GSTCD: variants seen among roughly 807,000 people sequenced by gnomAD.
GSTCD encodes the protein glutathione S-transferase C-terminal domain-containing protein.
A neutral mutation model predicts 68.3 loss-of-function variants in GSTCD; 44 were observed. The observed-to-expected ratio is 0.64, with a 90% CI of 0.51 to 0.83. The LOEUF (loss-of-function observed/expected upper bound fraction) is 0.83, where lower values mean the gene tolerates loss of function less well. Ranked by LOEUF, GSTCD falls within the 40% of genes least tolerant of loss-of-function variation. The pLI is 0.00. For synonymous variants in GSTCD, 273 were observed against 255.2 expected (o/e 1.07, Z -0.67); for missense variants, 739 against 735.9 (o/e 1.00, Z -0.05).
intron 5 of GSTCD, among the ~76,000 whole-genome samples, chr4:105,768,868 AAAAAT>A (rs776184628): frequency 2.6e-5 from 4 of 151,664 alleles, no homozygotes; most frequent in Non-Finnish European, 5.9e-5. Flanking sequence ...GTATGGAACA[AAAAAT>A]AAAAGTATGA....
intron 5 of GSTCD, among the ~76,000 whole-genome samples, chr4:105,819,521 G>T (rs1723172207): frequency 1.3e-5 from 2 of 151,666 alleles, no homozygotes; most frequent in African/African-American, 4.8e-5. Flanking sequence ...ATATAAGTAG[G>T]TATCTTACTT....
At chr4:105,746,256 A>G (rs951488653) in intron 5 of GSTCD, 2 of 152,168 alleles carry the variant, frequency 1.3e-5, no homozygotes, top group Non-Finnish European at 2.9e-5. Flanking sequence ...GGAAGAGAAA[A>G]TATATTTACT....
At chr4:105,733,599 T>A (rs1339865635) in intron 5 of GSTCD, among the ~76,000 whole-genome samples, 1 of 152,218 alleles carries the variant, frequency 6.6e-6, no homozygotes, top group Non-Finnish European at 1.5e-5. Context: ...GTCAGATGGC[T>A]CTCCTGAATA....
chr4:105,724,906 T>A (rs183201943), intron 3 of GSTCD, among the ~76,000 whole-genome samples: 15 of 152,126 alleles, frequency 9.9e-5, no homozygotes, highest in Admixed American at 2.6e-4. Context: ...TAACTCTCTA[T>A]ATGCAGTGTG....
intron 5 of GSTCD, among the ~76,000 whole-genome samples, chr4:105,748,898 G>A (rs1300022680): frequency 6.6e-6 from 1 of 151,920 alleles, no homozygotes; most frequent in African/African-American, 2.4e-5. Flanking sequence ...TGTCCATTAT[G>A]ACATTAAACA....
chr4:105,743,275 G>T (rs969236045), intron 5 of GSTCD, among the ~76,000 whole-genome samples: 4 of 151,854 alleles, frequency 2.6e-5, no homozygotes, highest in African/African-American at 9.7e-5. Flanking sequence ...TTTGTATTTT[G>T]TACTTGTATT....
At chr4:105,710,789 A>G (rs1435785448) in intron 1 of GSTCD, 1 of 152,198 alleles carries the variant, frequency 6.6e-6, no homozygotes, top group Non-Finnish European at 1.5e-5. Flanking sequence ...GGTTTAGCTG[A>G]AGGCATTATG....
chr4:105,786,628 A>G (rs548295183), intron 5 of GSTCD, among the ~76,000 whole-genome samples: 155 of 152,024 alleles, frequency 1.0e-3, no homozygotes, highest in Non-Finnish European at 1.7e-3. Flanking sequence ...AATATAAAGC[A>G]ATATTATTTC....
chr4:105,796,679 G>T (rs1430582564), intron 5 of GSTCD, among the ~76,000 whole-genome samples: 1 of 151,984 alleles, frequency 6.6e-6, no homozygotes, highest in Non-Finnish European at 1.5e-5. Context: ...TTTGGCTTCT[G>T]GTATAAAGGT....
rs1259283934 is a variant in GSTCD, at chr4:105,740,809, T to C, written c.1240+11310T>C. ...AAGGACTGGCCTCTTTTTGTCCTAC[T>C]GTTAAAGTCTGGGTCCCTATTATTA... is the stretch of plus-strand genomic sequence containing the variant. On this transcript the variant is annotated intron_variant, in intron 5 of 11. Coordinates refer to ENST00000515279, the MANE Select transcript of GSTCD (RefSeq NM_001370181.1). Among the ~76,000 whole-genome samples the C allele has an allele frequency of 2.6e-5, 4 of 152,152 alleles. No homozygotes were observed. In the East Asian group the frequency reaches 7.7e-4, roughly 29 times the overall value.
At chr4:105,779,961 C>G (rs899204673) in intron 5 of GSTCD, among the ~76,000 whole-genome samples, 1 of 152,180 alleles carries the variant, frequency 6.6e-6, no homozygotes, top group Non-Finnish European at 1.5e-5. Flanking sequence ...TATGCCTGAT[C>G]ATTCTTTCTT....
intron 5 of GSTCD, among the ~76,000 whole-genome samples, chr4:105,776,382 G>A (rs1161862724): frequency 6.6e-6 from 1 of 152,028 alleles, no homozygotes. Flanking sequence ...TGCCACTGGG[G>A]TATGAAAAAA....
chr4:105,730,437 A>C (rs1733195643), intron 5 of GSTCD, among the ~76,000 whole-genome samples: 1 of 152,174 alleles, frequency 6.6e-6, no homozygotes, highest in South Asian at 2.1e-4. Context: ...TCACCATTCT[A>C]ACTGGTGTGA....
intron 5 of GSTCD, among the ~76,000 whole-genome samples, chr4:105,775,950 G>A (rs977333452): frequency 1.3e-5 from 2 of 152,188 alleles, no homozygotes; most frequent in Non-Finnish European, 2.9e-5. Flanking sequence ...GCACACAGCT[G>A]CCCCATCCCC....
At chr4:105,718,571 T>C (rs1368697201) in intron 2 of GSTCD, among the ~76,000 whole-genome samples, 2 of 152,194 alleles carry the variant, frequency 1.3e-5, no homozygotes, top group Non-Finnish European at 2.9e-5. Flanking sequence ...ACCTATTCCT[T>C]TACAGCAATG....
Position 105,847,506 on chromosome 4 carries a change from AC to A in GSTCD, c.*1930del, listed in dbSNP as rs1560861227. The A allele has an allele frequency of 6.6e-5, 10 of 152,192 alleles. No homozygotes were observed. Among genetic ancestry groups the A allele is most frequent in the Non-Finnish European group, 1.5e-4 (10 of 68,034 alleles). 9.4% of individuals were successfully genotyped at this position (152,192 alleles called of 1,614,324 possible). A position where few individuals can be genotyped will look rare whatever the true frequency, so the allele number is the denominator to read the frequency against. ...AGTATTCATTTGAGATGTTTTGACA[AC>A]TGTATATATACATGTAACCATCACT... On this transcript the variant is annotated 3_prime_UTR_variant, in exon 12 of 12. Coordinates refer to ENST00000515279, the MANE Select transcript of GSTCD (RefSeq NM_001370181.1).
chr4:105,759,496 A>G (rs1734320615), intron 5 of GSTCD, among the ~76,000 whole-genome samples: 1 of 152,118 alleles, frequency 6.6e-6, no homozygotes. Flanking sequence ...AACAAAGGAG[A>G]TGCCCTTACC....
intron 7 of GSTCD, among the ~76,000 whole-genome samples, chr4:105,824,951 T>C (rs769909089): frequency 1.3e-5 from 2 of 152,210 alleles, no homozygotes; most frequent in Non-Finnish European, 2.9e-5. Flanking sequence ...TTTTTAGGCC[T>C]CAGTTAATAT....
At chr4:105,730,150 CA>C (rs950364232) in intron 5 of GSTCD, among the ~76,000 whole-genome samples, 1 of 152,174 alleles carries the variant, frequency 6.6e-6, no homozygotes, top group African/African-American at 2.4e-5. Flanking sequence ...CATTGATGGA[CA>C]TTTGGGTTGG....
Sources: allele counts gnomAD v4.1 joint callset (sites outside exome capture counted in the v4.1 genomes callset), GRCh38; gene constraint gnomAD v4.1.1; transcripts MANE v1.5; gene names NCBI Gene and HGNC (gene_info 2026-07-23, HGNC 2026-07-21).